The following VWF variants were observed in gnomAD, a reference collection of about 807,000 sequenced individuals.
VWF encodes von Willebrand factor.
Under a neutral mutation model 308.6 loss-of-function variants are expected in VWF, and 176 were observed. That is an observed-to-expected ratio of 0.57 (90% confidence interval 0.50 to 0.65). The LOEUF is 0.65. Among genes scored for constraint, VWF ranks in the 30% least tolerant of loss-of-function variants. The probability of loss-of-function intolerance (pLI) is 0.00; values close to 1 mark genes in which losing one functional copy is unlikely to be tolerated. For missense variants in VWF, 3,146 were observed against 3,648.2 expected, an observed-to-expected ratio of 0.86 and a Z score of 3.55; for synonymous variants, 1,385 against 1,443.4, an observed-to-expected ratio of 0.96 and a Z score of 0.92.
At chr12:6,122,959 C>T (rs765179379) in intron 2 of VWF, 183 bp downstream of exon 2, 21 of 790,654 alleles carry the variant, frequency 2.7e-5, no homozygotes, top group South Asian at 2.4e-4. Flanking sequence ...TTTGCAGGCA[C>T]CTGGTCTCTG....
Position 6,046,654 on chromosome 12 carries a change from C to T in VWF, c.2281+69G>A. ...TCTGACGGTGTCACCCAGCTCTCTC[C>T]CGCCATTCCACACGTGAGGAATCTG... On this transcript the variant is annotated intron_variant, in intron 17 of 51. Coordinates refer to ENST00000261405, the MANE Select transcript of VWF (RefSeq NM_000552.5). This position sits in a 1 kb window ranked among gnomAD's most constrained non-coding sequence, Gnocchi z 5.0. The T allele has an allele frequency of 1.4e-6, 2 of 1,470,552 alleles. No individual in the cohort carries two copies. Among genetic ancestry groups the T allele is most frequent in the South Asian group, 1.1e-5 (1 of 88,120 alleles). The allele number at this position is 1,470,552 out of a possible 1,614,324, so 91.1% of individuals were successfully genotyped here. A position where few individuals can be genotyped will look rare whatever the true frequency, so the allele number is the denominator to read the frequency against.
chr12:5,972,397 G>T (rs953974863), intron 43 of VWF, among the ~76,000 whole-genome samples: 1 of 152,326 alleles, frequency 6.6e-6, no homozygotes, highest in Admixed American at 6.5e-5. Context: ...AAAGTCTATA[G>T]AAAGAATAGT....
At position 6,019,700 on chromosome 12, in the gene VWF, G is replaced by T. The variant is rs1192830957; in HGVS notation, c.3718C>A (p.Pro1240Thr). Residue 1240 changes from proline (P) to threonine (T), a missense_variant, in exon 28 of 52, where the codon CCG becomes ACG. Physicochemically the swap from Pro to Thr is conservative, Grantham distance 38. Transcript: ENST00000261405. This position sits in a 1 kb window ranked among gnomAD's most constrained non-coding sequence, Gnocchi z 5.8. ...VNLTCEACQE[P>T]GGLVVPPTDA... ...GTGGGAGGCACCACCAGGCCTCCCG[G>T]CTCCTGGCAGGCTTCACAGGTGAGG... 1.9e-6 allele frequency: 3 copies of T among 1,613,652 alleles called. No homozygotes were observed. In the African/African-American group the frequency reaches 4.0e-5, roughly 22 times the overall value.
chr12:6,048,853 C>G (rs1408674149), intron 16 of VWF, among the ~76,000 whole-genome samples: 1 of 152,222 alleles, frequency 6.6e-6, no homozygotes, highest in Non-Finnish European at 1.5e-5. Context: ...CCTTTCTGAG[C>G]ACGTGCAGAA....
chr12:6,030,898 G>A (rs1006115703), intron 21 of VWF, among the ~76,000 whole-genome samples: 2 of 152,044 alleles, frequency 1.3e-5, no homozygotes, highest in African/African-American at 2.4e-5. Context: ...GCACGGTGGT[G>A]TACACCTGTA....
chr12:6,044,185 T>G, intron 18 of VWF, 106 bp downstream of exon 18: 2 of 1,416,842 alleles, frequency 1.4e-6, no homozygotes, highest in Admixed American at 2.0e-5. Flanking sequence ...TTGCTATCCG[T>G]GTTTAGCCCT....
At position 6,075,316 on chromosome 12, in the gene VWF, G is replaced by A. The variant is rs1043775551; in HGVS notation, c.874+19C>T. 4 of 1,613,536 alleles carry A rather than the reference G, an allele frequency of 2.5e-6. No homozygotes were observed. The highest frequency in any genetic ancestry group is 3.4e-6 in the Non-Finnish European group (4 of 1,179,896). On this transcript the variant is annotated intron_variant, in intron 7 of 51. Transcript: ENST00000261405. This position sits in a 1 kb window ranked among gnomAD's most constrained non-coding sequence, Gnocchi z 4.7. ...CGTTCATCCCCGGCAGGGCAGGACG[G>A]GGCAGGGGGCCGACTTACTGCACGC...
chr12:6,098,812 G>A (rs1040278536), intron 5 of VWF, among the ~76,000 whole-genome samples: 2 of 151,466 alleles, frequency 1.3e-5, no homozygotes, highest in African/African-American at 4.8e-5. Context: ...AAGAAAGAGG[G>A]GGAAAGGATA....
At chr12:5,982,728 T>C (rs1240027861) in intron 41 of VWF, among the ~76,000 whole-genome samples, 4 of 152,176 alleles carry the variant, frequency 2.6e-5, no homozygotes, top group Admixed American at 2.6e-4. Context: ...TTACAGTATA[T>C]AGTGATTACA....
intron 5 of VWF, among the ~76,000 whole-genome samples, chr12:6,097,614 A>G (rs751040583): frequency 2.5e-4 from 38 of 152,326 alleles, no homozygotes; most frequent in Non-Finnish European, 4.3e-4. Flanking sequence ...ATGCTTCCCG[A>G]GAGCTTCTGG....
At chr12:6,089,881 CG>C (rs1261127492) in intron 6 of VWF, among the ~76,000 whole-genome samples, 1 of 152,044 alleles carries the variant, frequency 6.6e-6, no homozygotes, top group Non-Finnish European at 1.5e-5. Flanking sequence ...GAAGGGCAGC[CG>C]AGGGTGACCC....
chr12:6,029,733 A>G (rs1055793443), intron 21 of VWF, among the ~76,000 whole-genome samples: 1 of 152,226 alleles, frequency 6.6e-6, no homozygotes, highest in Non-Finnish European at 1.5e-5. Context: ...CAGAGGTAGC[A>G]GCAAAATCAT....
In VWF at chr12:6,095,859, C is replaced by T. The variant is rs1591915065; in HGVS notation, c.533-275G>A. The T allele has an allele frequency of 1.6e-4, 70 of 434,304 alleles. 1 individual carries two copies. The highest frequency in any genetic ancestry group is 1.2e-3 in the South Asian group (60 of 48,794). The allele number at this position is 434,304 out of a possible 1,614,324, so 26.9% of individuals were successfully genotyped here. On this transcript the variant is annotated intron_variant, in intron 5 of 51. Transcript: ENST00000261405. ...CAGTTGTCCCCCACTCCCCAGGAGG[C>T]CCCCATATTGATGCATAGTGCTCTG...
chr12:6,089,217 G>A (rs1945005589), intron 6 of VWF, among the ~76,000 whole-genome samples: 1 of 152,192 alleles, frequency 6.6e-6, no homozygotes, highest in Non-Finnish European at 1.5e-5. Flanking sequence ...TCACCTCTTG[G>A]GAGACGAGTC....
chr12:5,967,787 G>C (rs1245668298), intron 46 of VWF, among the ~76,000 whole-genome samples, 185 bp from the exon 47 acceptor site: 3 of 152,202 alleles, frequency 2.0e-5, no homozygotes, highest in African/African-American at 7.2e-5. Flanking sequence ...GATGGTAAGA[G>C]TGAGAACTTT....
intron 29 of VWF, 40 bp from the exon 30 acceptor site, chr12:6,016,696 T>C (rs1449140737): frequency 6.2e-7 from 1 of 1,614,128 alleles, no homozygotes; most frequent in Non-Finnish European, 8.5e-7. Context: ...TTGAATCAAG[T>C]AGAGCCACAA....
At chr12:6,044,532 A>G in intron 17 of VWF, 81 bp from the exon 18 acceptor site, 8 of 1,520,552 alleles carry the variant, frequency 5.3e-6, no homozygotes, top group Non-Finnish European at 7.1e-6. Flanking sequence ...GGTCCCCTAG[A>G]GTCTGTGACT....
At chr12:6,089,592 C>G (rs985742822) in intron 6 of VWF, among the ~76,000 whole-genome samples, 1 of 152,144 alleles carries the variant, frequency 6.6e-6, no homozygotes, top group African/African-American at 2.4e-5. Flanking sequence ...CAGTCTCCCT[C>G]CTCAACCCGA....
chr12:6,084,132 A>G (rs1944944726), intron 6 of VWF, among the ~76,000 whole-genome samples: 1 of 152,252 alleles, frequency 6.6e-6, no homozygotes. Flanking sequence ...CACAGACAGC[A>G]GTACTTGGAC....
Sources: gnomAD v4.1 joint callset for allele counts (sites outside exome capture counted in the v4.1 genomes callset) on GRCh38, gnomAD v4.1.1 for gene constraint, Gnocchi (gnomAD v3.1) non-coding constraint, MANE v1.5 for transcripts, NCBI Gene and HGNC (gene_info 2026-07-23, HGNC 2026-07-21) for gene names.